The following PLEKHG1 variants were observed in gnomAD, a reference collection of about 807,000 sequenced individuals.
The protein encoded by PLEKHG1 is pleckstrin homology and RhoGEF domain containing G1.
In PLEKHG1, 44 loss-of-function variants were observed where a neutral mutation model predicts 100.8. That is an observed-to-expected ratio of 0.44 (90% CI 0.34 to 0.56). The LOEUF is 0.56. PLEKHG1 is among the 20% of genes least tolerant of loss of function. The probability of loss-of-function intolerance (pLI) is 0.01; values close to 1 mark genes in which losing one functional copy is unlikely to be tolerated. For missense variants in PLEKHG1, 1,545 were observed against 1,720.9 expected (o/e 0.90, Z 1.81); for synonymous variants, 640 against 662.5 (o/e 0.97, Z 0.52).
intron 3 of PLEKHG1, among the ~76,000 whole-genome samples, chr6:150,674,487 A>G (rs1779672906): frequency 6.6e-6 from 1 of 152,200 alleles, no homozygotes; most frequent in African/African-American, 2.4e-5. Context: ...TAAGAATTAT[A>G]TCCACCTAAA....
chr6:150,618,627 G>C (rs577276750), intron 1 of PLEKHG1, among the ~76,000 whole-genome samples: 46 of 152,282 alleles, frequency 3.0e-4, no homozygotes, highest in African/African-American at 1.0e-3. Context: ...TAATTAAGAA[G>C]TGATGAGTTT....
intron 2 of PLEKHG1, among the ~76,000 whole-genome samples, chr6:150,765,807 C>T (rs1174505670): frequency 6.6e-6 from 1 of 152,272 alleles, no homozygotes; most frequent in East Asian, 1.9e-4. Flanking sequence ...GTACAAAGTA[C>T]AAGCACAAAT....
chr6:150,665,227 C>T (rs761748647), intron 3 of PLEKHG1, among the ~76,000 whole-genome samples: 2 of 152,146 alleles, frequency 1.3e-5, no homozygotes, highest in Non-Finnish European at 2.9e-5. Context: ...TATCGCTCTT[C>T]TTGCCTCTAT....
intron 3 of PLEKHG1, chr6:150,662,547 C>G (rs1779235024): frequency 6.6e-6 from 1 of 152,258 alleles, no homozygotes; most frequent in Non-Finnish European, 1.5e-5. Context: ...TCCCGAGTAG[C>G]TGAGATTACA....
chr6:150,824,128 C>T (rs998268498), intron 14 of PLEKHG1, among the ~76,000 whole-genome samples: 3 of 152,172 alleles, frequency 2.0e-5, no homozygotes, highest in African/African-American at 4.8e-5. Context: ...CTGCTGCTGA[C>T]GTAAGAGGTG....
At chr6:150,685,850 GA>G (rs1224836068) in intron 3 of PLEKHG1, among the ~76,000 whole-genome samples, 1 of 152,040 alleles carries the variant, frequency 6.6e-6, no homozygotes, top group East Asian at 1.9e-4. Context: ...GGGAAGGGGG[GA>G]AAAAAGAGTG....
intron 15 of PLEKHG1, among the ~76,000 whole-genome samples, chr6:150,836,620 C>T (rs779977467): frequency 8.6e-5 from 13 of 151,942 alleles, no homozygotes; most frequent in Non-Finnish European, 1.8e-4. Context: ...AGTTTGTGAC[C>T]AGCCTGGGCA....
chr6:150,808,171 C>T (rs117430328), intron 7 of PLEKHG1, among the ~76,000 whole-genome samples: 3,852 of 152,090 alleles, frequency 0.025, 64 homozygotes, highest in Admixed American at 0.073. Context: ...AAATATATCA[C>T]GTACCCCATA....
intron 14 of PLEKHG1, among the ~76,000 whole-genome samples, chr6:150,824,192 C>G (rs1391030854): frequency 6.6e-6 from 1 of 152,200 alleles, no homozygotes; most frequent in Non-Finnish European, 1.5e-5. Flanking sequence ...TTTTCTTCCC[C>G]TGAGAAAAGC....
intron 3 of PLEKHG1, among the ~76,000 whole-genome samples, chr6:150,708,491 G>A (rs762371858): frequency 1.6e-4 from 24 of 152,008 alleles, no homozygotes; most frequent in Non-Finnish European, 3.4e-4. Flanking sequence ...CCCCCCTTAG[G>A]CCCCTTGTAA....
intron 2 of PLEKHG1, among the ~76,000 whole-genome samples, chr6:150,647,076 A>G (rs1418365622): frequency 6.6e-6 from 1 of 152,208 alleles, no homozygotes; most frequent in African/African-American, 2.4e-5. Context: ...GGGCTCCTAT[A>G]TATCAAATAA....
At chr6:150,633,710 G>A (rs1777859557) in intron 1 of PLEKHG1, among the ~76,000 whole-genome samples, 1 of 152,202 alleles carries the variant, frequency 6.6e-6, no homozygotes, top group Admixed American at 6.5e-5. Context: ...CAATTTGGTT[G>A]AGGCAGAAGA....
At chr6:150,620,318 G>A (rs79094507) in intron 1 of PLEKHG1, among the ~76,000 whole-genome samples, 7,750 of 152,298 alleles carry the variant, frequency 0.051, 287 homozygotes, top group Middle Eastern at 0.082. Flanking sequence ...GCCTGACAGC[G>A]TTTCTCTCCA....
At chr6:150,823,631 GA>G (rs370395085) in intron 13 of PLEKHG1, 22 bp from the exon 15 acceptor site, 39 of 1,565,246 alleles carry the variant, frequency 2.5e-5, no homozygotes, top group South Asian at 5.6e-5. Flanking sequence ...TCTCAAACTT[GA>G]AAAAAAACTT....
intron 2 of PLEKHG1, among the ~76,000 whole-genome samples, chr6:150,746,732 G>C (rs1783185254): frequency 6.6e-6 from 1 of 152,216 alleles, no homozygotes; most frequent in Non-Finnish European, 1.5e-5. Flanking sequence ...GTATGCCAAG[G>C]AGACTTAACA....
chr6:150,616,777 T>G (rs1337985855), intron 1 of PLEKHG1, among the ~76,000 whole-genome samples: 6 of 152,240 alleles, frequency 3.9e-5, no homozygotes, highest in Non-Finnish European at 8.8e-5. Context: ...TATGCACTAC[T>G]TGCCTGCTTC....
chr6:150,833,333 G>T lies in PLEKHG1; in HGVS notation c.3094+1128G>T, dbSNP rs912369920. ...CTCCCAAAGTGCTAGGATTACAGGC[G>T]TGAGCCGCCACACCTGGCCTACTGC... On this transcript the variant is annotated intron_variant, in intron 15 of 15. Coordinates refer to ENST00000358517, the Ensembl canonical transcript of PLEKHG1. Among the ~76,000 whole-genome samples, 3 of 152,330 alleles carry T rather than the reference G, an allele frequency of 2.0e-5. No homozygotes were observed. The East Asian group carries it at 5.8e-4, about 29-fold the overall frequency.
intron 2 of PLEKHG1, among the ~76,000 whole-genome samples, chr6:150,735,782 C>T (rs1026264562): frequency 3.1e-4 from 47 of 152,060 alleles, no homozygotes; most frequent in Middle Eastern, 3.2e-3. Context: ...ACTAGTCTAC[C>T]TAATCTAAAA....
At chr6:150,620,100 T>G (rs898011837) in intron 1 of PLEKHG1, among the ~76,000 whole-genome samples, 17 of 152,234 alleles carry the variant, frequency 1.1e-4, no homozygotes, top group Admixed American at 4.6e-4. Flanking sequence ...TATTTTTGTT[T>G]TTTGTCTTTG....
Sources: allele counts gnomAD v4.1 joint callset (sites outside exome capture counted in the v4.1 genomes callset), GRCh38; gene constraint gnomAD v4.1.1; transcripts MANE v1.5; gene names NCBI Gene and HGNC (gene_info 2026-07-23, HGNC 2026-07-21).